Variants in GPR39 observed in about 807,000 individuals in gnomAD.
GPR39 encodes the protein G protein-coupled receptor 39.
Under a neutral mutation model 18.4 loss-of-function variants are expected in GPR39, and 23 were observed. That is an observed-to-expected ratio of 1.25 (90% CI 0.90 to 1.77). The LOEUF (loss-of-function observed/expected upper bound fraction) is 1.77. GPR39 is among the 40% of genes most tolerant of loss of function. The pLI is 0.00. For missense variants in GPR39, 647 were observed against 602.4 expected, an observed-to-expected ratio of 1.07 and a Z score of -0.78; for synonymous variants, 280 against 257.9, an observed-to-expected ratio of 1.09 and a Z score of -0.82.
At chr2:132,552,269 G>A (rs1452113070) in intron 1 of GPR39, among the ~76,000 whole-genome samples, 4 of 152,112 alleles carry the variant, frequency 2.6e-5, no homozygotes, top group Non-Finnish European at 5.9e-5. Flanking sequence ...GGACCTGGTC[G>A]GAGGTGTTTG....
At chr2:132,520,506 A>T (rs1485593174) in intron 1 of GPR39, among the ~76,000 whole-genome samples, 1 of 152,210 alleles carries the variant, frequency 6.6e-6, no homozygotes, top group East Asian at 1.9e-4. Context: ...ATCACCTCTC[A>T]TTCAGCTCCT....
In GPR39 at chr2:132,466,725, C is replaced by T. The variant is rs532364638; in HGVS notation, c.856+48827C>T. Among the ~76,000 whole-genome samples the T allele has an allele frequency of 7.2e-5, 11 of 152,274 alleles. No homozygotes were observed. The South Asian group carries it at 2.3e-3, about 32-fold the overall frequency. Reference sequence around the variant, plus strand: ...GTGTCCTCTGGTCTTTTCTTTAAGTCTATAACATTTTAGATGGAGAATGAC... The same window carrying T: ...GTGTCCTCTGGTCTTTTCTTTAAGTTTATAACATTTTAGATGGAGAATGAC... On this transcript the variant is annotated intron_variant, in intron 1 of 1. Transcript: ENST00000329321.
chr2:132,607,713 T>C (rs950909622), intron 1 of GPR39, among the ~76,000 whole-genome samples: 1 of 152,186 alleles, frequency 6.6e-6, no homozygotes, highest in African/African-American at 2.4e-5. Flanking sequence ...AATTTCAACA[T>C]AGAACTCCAC....
chr2:132,532,783 C>T (rs897150024), intron 1 of GPR39, among the ~76,000 whole-genome samples: 2 of 150,194 alleles, frequency 1.3e-5, no homozygotes, highest in African/African-American at 5.0e-5. Flanking sequence ...AGGCCTTTGA[C>T]AAAATTCAAC....
chr2:132,636,273 C>T (rs1352701184), intron 1 of GPR39, among the ~76,000 whole-genome samples: 1 of 152,212 alleles, frequency 6.6e-6, no homozygotes, highest in African/African-American at 2.4e-5. Flanking sequence ...GGAGGAAGCT[C>T]TTAGCTCTGT....
At chr2:132,614,229 CAG>C (rs1252696661) in intron 1 of GPR39, among the ~76,000 whole-genome samples, 1 of 149,908 alleles carries the variant, frequency 6.7e-6, no homozygotes, top group Non-Finnish European at 1.5e-5. Flanking sequence ...TTTATTTTGA[CAG>C]AGTCTTGCTC....
chr2:132,570,945 A>T (rs1680432232), intron 1 of GPR39, among the ~76,000 whole-genome samples: 2 of 152,212 alleles, frequency 1.3e-5, no homozygotes, highest in African/African-American at 4.8e-5. Context: ...AGGGTCCAAT[A>T]ATAACCATAG....
At chr2:132,447,353 A>G (rs1157831352) in intron 1 of GPR39, among the ~76,000 whole-genome samples, 1 of 152,234 alleles carries the variant, frequency 6.6e-6, no homozygotes, top group African/African-American at 2.4e-5. Context: ...AGTGGAATGT[A>G]AAGAGGAGCT....
chr2:132,438,217 C>T (rs546614420), intron 1 of GPR39, among the ~76,000 whole-genome samples: 2 of 152,276 alleles, frequency 1.3e-5, no homozygotes, highest in South Asian at 4.1e-4. Context: ...ATGTAGAAAC[C>T]ATGCTTATAT....
In GPR39 at chr2:132,632,444, T is replaced by G. The variant is rs549865244; in HGVS notation, c.857-12657T>G. Among the ~76,000 whole-genome samples, 4 of 152,332 alleles carry G rather than the reference T, an allele frequency of 2.6e-5. No homozygotes were observed. The South Asian group carries it at 8.3e-4, about 32-fold the overall frequency. The stretch of plus-strand genomic sequence containing the variant: ...ACAGGAAGAAATTCATTCCTGAACT[T>G]GTGGCCATTTCAATTGAATTACCTT... On this transcript the variant is annotated intron_variant, in intron 1 of 1. Transcript: ENST00000329321.
chr2:132,535,615 G>A (rs1180344727), intron 1 of GPR39, among the ~76,000 whole-genome samples: 1 of 151,828 alleles, frequency 6.6e-6, no homozygotes, highest in African/African-American at 2.4e-5. Context: ...TCAGTTGTTT[G>A]GAATAGTTTC....
intron 1 of GPR39, among the ~76,000 whole-genome samples, chr2:132,601,432 T>TA (rs1046667914): frequency 6.6e-6 from 1 of 151,998 alleles, no homozygotes; most frequent in Admixed American, 6.6e-5. Flanking sequence ...ATAAAAACTC[T>TA]AAAAAACATT....
intron 1 of GPR39, among the ~76,000 whole-genome samples, chr2:132,628,055 C>A (rs1681583686): frequency 6.6e-6 from 1 of 152,178 alleles, no homozygotes; most frequent in Admixed American, 6.5e-5. Flanking sequence ...ATTCCACCCC[C>A]ATGTTGGTTT....
chr2:132,470,592 T>C (rs1681011281), intron 1 of GPR39, among the ~76,000 whole-genome samples: 1 of 151,990 alleles, frequency 6.6e-6, no homozygotes, highest in Admixed American at 6.6e-5. Flanking sequence ...GGGTGAGCCA[T>C]TGTGGTTGTT....
chr2:132,605,674 C>T (rs747869771), intron 1 of GPR39, among the ~76,000 whole-genome samples: 5 of 152,060 alleles, frequency 3.3e-5, no homozygotes, highest in Admixed American at 6.6e-5. Context: ...TGGGTGAGGA[C>T]GGATGCTATT....
At chr2:132,428,869 C>T (rs1472706463) in intron 1 of GPR39, among the ~76,000 whole-genome samples, 1 of 152,206 alleles carries the variant, frequency 6.6e-6, no homozygotes, top group Non-Finnish European at 1.5e-5. Flanking sequence ...TAAAAAGAAA[C>T]TTAAATCTGG....
chr2:132,507,986 G>A lies in GPR39; in HGVS notation c.856+90088G>A, dbSNP rs113669782. 2.9e-3 allele frequency among the ~76,000 whole-genome samples: 449 copies of A among 152,258 alleles called. 4 individuals carry two copies. The highest frequency in any genetic ancestry group is 9.9e-3 in the African/African-American group (411 of 41,556). ...TTATGTAGGCATGGTTGGTTGAATC[G>A]TTGGCCATGTGACTGAATTCAATCT... On this transcript the variant is annotated intron_variant, in intron 1 of 1. Transcript: ENST00000329321.
intron 1 of GPR39, among the ~76,000 whole-genome samples, chr2:132,642,496 T>C (rs1427598626): frequency 6.6e-6 from 1 of 152,148 alleles, no homozygotes; most frequent in Non-Finnish European, 1.5e-5. Flanking sequence ...GATGGGATGA[T>C]CAGTGAAGGA....
chr2:132,615,326 C>T (rs887557470), intron 1 of GPR39, among the ~76,000 whole-genome samples: 3 of 152,178 alleles, frequency 2.0e-5, no homozygotes, highest in African/African-American at 7.2e-5. Context: ...AGGCAATTGC[C>T]TCCTTCCTTC....
Sources: allele counts gnomAD v4.1 joint callset (sites outside exome capture counted in the v4.1 genomes callset), GRCh38; gene constraint gnomAD v4.1.1; transcripts MANE v1.5; gene names NCBI Gene and HGNC (gene_info 2026-07-23, HGNC 2026-07-21).